The following SF3B3 variants were observed in gnomAD, a reference collection of about 807,000 sequenced individuals.
The protein encoded by SF3B3 is SAP 130.
A neutral mutation model predicts 139.2 loss-of-function variants in SF3B3; 33 were observed. That is an observed-to-expected ratio of 0.24 (90% confidence interval 0.18 to 0.32). The LOEUF is 0.32. SF3B3 is among the 10% of genes least tolerant of loss of function. SF3B3 has a pLI of 1.00. For synonymous variants in SF3B3, 596 were observed against 563.6 expected, an observed-to-expected ratio of 1.06 and a Z score of -0.81; for missense variants, 818 against 1,509.4, an observed-to-expected ratio of 0.54 and a Z score of 7.59.
chr16:70,569,057 T>G lies in SF3B3; in HGVS notation c.3180T>G (p.Pro1060=). ...CTTCCTTGTAGGTGAGGCTCCCACC[T>G]AACACCAATGATGAAGTAGATGAGG... ...FGNICVVRLP[P]NTNDEVDEDP... Residue 1060 remains proline (P), a synonymous_variant, in exon 23 of 26, where the codon CCT becomes CCG. Coordinates refer to ENST00000302516, the MANE Select transcript of SF3B3 (RefSeq NM_012426.5). The G allele has an allele frequency of 6.2e-7, 1 of 1,610,438 alleles. No homozygotes were observed. Among genetic ancestry groups the G allele is most frequent in the Non-Finnish European group, 8.5e-7 (1 of 1,178,642 alleles).
chr16:70,565,576 C>A lies in SF3B3; in HGVS notation c.2826+52C>A, dbSNP rs537956747. Reference sequence around the variant, plus strand: ...GATTTTAAGTCCCATTGAATTCTCTCACTTTTGCTTATGTTATGGATCAGG... The same window carrying A: ...GATTTTAAGTCCCATTGAATTCTCTAACTTTTGCTTATGTTATGGATCAGG... On this transcript the variant is annotated intron_variant, in intron 20 of 25. Transcript: ENST00000302516. 1.2e-5 allele frequency: 18 copies of A among 1,542,634 alleles called. No individual in the cohort carries two copies. The African/African-American group carries it at 2.2e-4, about 19-fold the overall frequency.
At chr16:70,531,961 G>T (rs1041337883) in intron 4 of SF3B3, among the ~76,000 whole-genome samples, 4 of 152,160 alleles carry the variant, frequency 2.6e-5, no homozygotes, top group Admixed American at 6.5e-5. Context: ...AGCTGCTTGG[G>T]AGCCTGAGGC....
chr16:70,556,970 C>T lies in SF3B3; in HGVS notation c.1951C>T (p.Gln651Ter). 1 of 1,614,068 alleles carries T rather than the reference C, an allele frequency of 6.2e-7. No individual in the cohort carries two copies. The highest frequency in any genetic ancestry group is 8.5e-7 in the Non-Finnish European group (1 of 1,179,984). Reference sequence around the variant, plus strand: ...CGTGGAAATGGGTGGGACTGAGAAGCAGGATGAGCTGGGTGAGAGGGGCTC... The same window carrying T: ...CGTGGAAATGGGTGGGACTGAGAAGTAGGATGAGCTGGGTGAGAGGGGCTC... ...CIVEMGGTEKQDELGERGSIG... is the reference protein window; with the variant it reads ...CIVEMGGTEK Residue 651 changes from glutamine (Q) to a stop codon, truncating the protein, a stop_gained, in exon 15 of 26, where the codon CAG becomes TAG. Coordinates refer to ENST00000302516, the MANE Select transcript of SF3B3 (RefSeq NM_012426.5). LOFTEE classifies it high-confidence loss of function.
At chr16:70,532,234 G>C (rs2050127907) in intron 4 of SF3B3, among the ~76,000 whole-genome samples, 1 of 151,548 alleles carries the variant, frequency 6.6e-6, no homozygotes, top group African/African-American at 2.4e-5. Context: ...GGAGGTTGTG[G>C]TGAGCTGAGA....
intron 20 of SF3B3, among the ~76,000 whole-genome samples, chr16:70,565,968 T>G (rs534269035): frequency 6.5e-4 from 98 of 151,844 alleles, no homozygotes; most frequent in African/African-American, 2.2e-3. Flanking sequence ...AATACAAAAA[T>G]CAGCCAGGCA....
intron 20 of SF3B3, among the ~76,000 whole-genome samples, 195 bp from the exon 21 acceptor site, chr16:70,567,216 C>T (rs529472147): frequency 6.6e-6 from 1 of 152,292 alleles, no homozygotes; most frequent in South Asian, 2.1e-4. Flanking sequence ...TCAGTTACAG[C>T]ATTGATCCCT....
At chr16:70,526,047 C>T (rs1237873751) in intron 1 of SF3B3, among the ~76,000 whole-genome samples, 3 of 151,606 alleles carry the variant, frequency 2.0e-5, no homozygotes, top group Admixed American at 1.3e-4. Context: ...CCATTTCTAG[C>T]CTGGAGCATT....
chr16:70,553,243 C>G (rs577947987), intron 11 of SF3B3, among the ~76,000 whole-genome samples: 2 of 152,174 alleles, frequency 1.3e-5, no homozygotes, highest in Non-Finnish European at 1.5e-5. Flanking sequence ...CTTCATTTGA[C>G]CCCTGCTTCT....
At chr16:70,566,666 A>G (rs1331349995) in intron 20 of SF3B3, among the ~76,000 whole-genome samples, 18 of 152,216 alleles carry the variant, frequency 1.2e-4, no homozygotes, top group Admixed American at 1.2e-3. Flanking sequence ...CAGCATGTGG[A>G]TTCCTTCAAC....
At chr16:70,544,133 T>G (rs1033176352) in intron 9 of SF3B3, among the ~76,000 whole-genome samples, 2 of 152,200 alleles carry the variant, frequency 1.3e-5, no homozygotes, top group African/African-American at 4.8e-5. Context: ...AATAATAAGA[T>G]GATACACTTA....
Position 70,574,385 on chromosome 16 carries a change from G to A in SF3B3, c.*2572G>A, listed in dbSNP as rs1178432835. 6.6e-6 allele frequency: 1 copy of A among 152,138 alleles called. No homozygotes were observed. The highest frequency in any genetic ancestry group is 1.5e-5 in the Non-Finnish European group (1 of 68,106). 9.4% of individuals were successfully genotyped at this position (152,138 alleles called of 1,614,324 possible). ...TTTTGTAGAGACAGGGTCTCCCTGTGTTGCCCAGGCTGGCCTCGAACTCCT... is the reference window on the plus strand; with the variant it reads ...TTTTGTAGAGACAGGGTCTCCCTGTATTGCCCAGGCTGGCCTCGAACTCCT... On this transcript the variant is annotated 3_prime_UTR_variant, in exon 26 of 26. Transcript: ENST00000302516.
At position 70,539,300 on chromosome 16, in the gene SF3B3, C is replaced by T. The variant is rs2050196861; in HGVS notation, c.1067+93C>T. On this transcript the variant is annotated intron_variant, in intron 8 of 25. Coordinates refer to ENST00000302516, the MANE Select transcript of SF3B3 (RefSeq NM_012426.5). ...CAGTGGCTCACGGCCATAATCCTAG[C>T]ACTTTGGGAGGCTGAGGTGGGTGAA... 2.3e-5 allele frequency: 21 copies of T among 895,798 alleles called. No individual in the cohort carries two copies. In the South Asian group the frequency reaches 2.8e-4, roughly 12 times the overall value. 55.5% of individuals were successfully genotyped at this position (895,798 alleles called of 1,614,324 possible).
intron 3 of SF3B3, 193 bp downstream of exon 3, chr16:70,529,392 C>T (rs1335008988): frequency 6.9e-6 from 4 of 576,656 alleles, no homozygotes; most frequent in Non-Finnish European, 1.2e-5. Context: ...AATCTTAACA[C>T]ACCTTTCTAC....
intron 18 of SF3B3, among the ~76,000 whole-genome samples, chr16:70,564,299 G>C (rs2151793188): frequency 6.6e-6 from 1 of 152,248 alleles, no homozygotes. Context: ...TTGAGCCCAG[G>C]AGTTCAAGAC....
intron 2 of SF3B3, chr16:70,526,933 G>C: frequency 1.7e-6 from 1 of 593,792 alleles, no homozygotes; most frequent in Non-Finnish European, 3.0e-6. Flanking sequence ...ATTGTGTAAT[G>C]ATTCTTGTCA....
At chr16:70,561,865 A>T in intron 17 of SF3B3, 81 bp downstream of exon 17, 5 of 1,269,658 alleles carry the variant, frequency 3.9e-6, no homozygotes, top group Non-Finnish European at 4.5e-6. Flanking sequence ...GTGTTGGAGG[A>T]GGCTGTGAAG....
chr16:70,559,698 A>T (rs2050410626), intron 15 of SF3B3, among the ~76,000 whole-genome samples: 1 of 152,076 alleles, frequency 6.6e-6, no homozygotes, highest in African/African-American at 2.4e-5. Context: ...ATAAATAAAT[A>T]AATAAAAATT....
At chr16:70,556,042 A>G in intron 13 of SF3B3, 137 bp from the exon 14 acceptor site, 1 of 789,954 alleles carries the variant, frequency 1.3e-6, no homozygotes, top group Non-Finnish European at 2.0e-6. Flanking sequence ...CATTTACTAT[A>G]GTAAGAGGAG....
At chr16:70,536,465 G>A (rs1384648524) in intron 6 of SF3B3, among the ~76,000 whole-genome samples, 1 of 151,950 alleles carries the variant, frequency 6.6e-6, no homozygotes, top group Non-Finnish European at 1.5e-5. Flanking sequence ...CCGGGTTCAC[G>A]CCATTTCTCC....
Sources: gnomAD v4.1 joint callset for allele counts (sites outside exome capture counted in the v4.1 genomes callset) on GRCh38, gnomAD v4.1.1 for gene constraint, MANE v1.5 for transcripts, NCBI Gene and HGNC (gene_info 2026-07-23, HGNC 2026-07-21) for gene names.